The following NBPF12 variants were observed in gnomAD, a reference collection of about 807,000 sequenced individuals.
NBPF12 encodes the protein NBPF family member NBPF12.
NBPF12 carries 115 observed loss-of-function variants against 146.4 expected under a neutral mutation model. That is an observed-to-expected ratio of 0.79 (90% CI 0.68 to 0.92). NBPF12 has a LOEUF of 0.92. NBPF12 is among the 40% of genes least tolerant of loss of function. The probability of loss-of-function intolerance (pLI) is 0.00; values close to 1 mark genes in which losing one functional copy is unlikely to be tolerated. For synonymous variants in NBPF12, 385 were observed against 508.9 expected, an observed-to-expected ratio of 0.76 and a Z score of 3.28; for missense variants, 1,205 against 1,326.8, an observed-to-expected ratio of 0.91 and a Z score of 1.43.
At position 146,976,301 on chromosome 1, in the gene NBPF12, TG is replaced by T. The variant is rs1366443812; in HGVS notation, c.2119+412del. On this transcript the variant is annotated intron_variant, in intron 16 of 33. Coordinates refer to ENST00000617844, the Ensembl canonical transcript of NBPF12. ...TCCTTCCTGAGTTTCTCTCTCTCCA[TG>T]GCAGACAAATTGTCTCTTGCAAGGG... Among the ~76,000 whole-genome samples, 4 of 149,594 alleles carry T rather than the reference TG, an allele frequency of 2.7e-5. No individual in the cohort carries two copies. In the South Asian group the frequency reaches 6.5e-4, roughly 24 times the overall value.
intron 2 of NBPF12, among the ~76,000 whole-genome samples, chr1:146,956,617 T>C (rs1655604058): frequency 6.6e-6 from 1 of 151,882 alleles, no homozygotes; most frequent in African/African-American, 2.4e-5. Context: ...ATTACATGCT[T>C]AACAACACAT....
At chr1:146,984,639 C>G (rs1433603972) in intron 21 of NBPF12, among the ~76,000 whole-genome samples, 174 bp from the exon 25 acceptor site, 4 of 139,452 alleles carry the variant, frequency 2.9e-5, no homozygotes, top group African/African-American at 1.1e-4. Context: ...CTCTTTCATC[C>G]TTTTCTACCT....
chr1:146,994,087 A>G (rs1658353950), intron 33 of NBPF12, among the ~76,000 whole-genome samples: 1 of 99,096 alleles, frequency 1.0e-5, no homozygotes, highest in Admixed American at 1.0e-4. Flanking sequence ...TCACTAGCTC[A>G]CTTTCTCTCT....
chr1:146,943,860 A>AC (rs1438061996), intron 2 of NBPF12, among the ~76,000 whole-genome samples: 2 of 119,650 alleles, frequency 1.7e-5, no homozygotes, highest in African/African-American at 3.3e-5. Flanking sequence ...TTCCCCTCTC[A>AC]CCCCCCATTC....
intron 10 of NBPF12, among the ~76,000 whole-genome samples, chr1:146,968,890 G>C (rs1346846426): frequency 1.3e-5 from 2 of 151,298 alleles, no homozygotes; most frequent in African/African-American, 2.5e-5. Context: ...CCCTTAGTGA[G>C]AATCACCTCC....
At position 146,983,212 on chromosome 1, in the gene NBPF12, A is replaced by G. The variant is rs1397316069; in HGVS notation, c.2614+121A>G. On this transcript the variant is annotated intron_variant, in intron 20 of 33. Coordinates refer to ENST00000617844, the Ensembl canonical transcript of NBPF12. ...TGCCATCACTGTGGGCTGAACCTAT[A>G]TATCAATGTAGATTTCAATCACTCT... 331 of 1,360,406 alleles carry G rather than the reference A, an allele frequency of 2.4e-4. No homozygotes were observed. The Middle Eastern group carries it at 4.0e-3, about 16-fold the overall frequency. 84.3% of individuals were successfully genotyped at this position (1,360,406 alleles called of 1,614,324 possible).
intron 2 of NBPF12, among the ~76,000 whole-genome samples, chr1:146,954,857 G>C (rs1381032401): frequency 7.0e-6 from 1 of 141,894 alleles, no homozygotes; most frequent in Non-Finnish European, 1.5e-5. Context: ...TTGATTCTTA[G>C]GACATATATA....
At chr1:146,951,741 T>TAAAC (rs1320724911) in intron 2 of NBPF12, 4 of 378,412 alleles carry the variant, frequency 1.1e-5, no homozygotes, top group Non-Finnish European at 1.4e-5. Flanking sequence ...AAATATTGCC[T>TAAAC]TGTTTCCTTT....
At chr1:146,974,315 T>G (rs1429732495) in intron 14 of NBPF12, among the ~76,000 whole-genome samples, 1 of 141,550 alleles carries the variant, frequency 7.1e-6, no homozygotes, top group Non-Finnish European at 1.5e-5. Flanking sequence ...GTCCTTGAAA[T>G]TCCCAGTAAA....
At chr1:146,970,528 A>G (rs1215785889) in intron 11 of NBPF12, 119 bp from the exon 15 acceptor site, 5 of 1,330,178 alleles carry the variant, frequency 3.8e-6, no homozygotes, top group Non-Finnish European at 5.3e-6. Flanking sequence ...ATAAAACATG[A>G]GAGTTTTCAG....
chr1:146,948,712 C>T (rs1354033130), upstream of NBPF12, among the ~76,000 whole-genome samples: 1,481 of 151,436 alleles, frequency 9.8e-3, 37 homozygotes, highest in African/African-American at 0.035. Context: ...ACCTGACTGT[C>T]CCCCAGCCCG....
chr1:146,940,238 A>G (rs1175194618), intron 1 of NBPF12, among the ~76,000 whole-genome samples: 1 of 151,960 alleles, frequency 6.6e-6, no homozygotes, highest in Non-Finnish European at 1.5e-5. Context: ...TAGCTTTAAG[A>G]TTTCTGAGAA....
chr1:146,974,193 T>A (rs1295350285), intron 14 of NBPF12, among the ~76,000 whole-genome samples: 3 of 148,888 alleles, frequency 2.0e-5, no homozygotes, highest in African/African-American at 5.1e-5. Context: ...AGGATTTCCT[T>A]CATGGCCTTA....
At chr1:146,976,516 ATCT>A (rs1317016628) in intron 16 of NBPF12, among the ~76,000 whole-genome samples, 13 of 100,690 alleles carry the variant, frequency 1.3e-4, no homozygotes, top group Non-Finnish European at 1.1e-4. Flanking sequence ...GAGGCTTGAA[ATCT>A]TCTAATGCAT....
chr1:146,962,716 T>A (rs1655937645), intron 5 of NBPF12, among the ~76,000 whole-genome samples: 1 of 148,802 alleles, frequency 6.7e-6, no homozygotes, highest in African/African-American at 2.5e-5. Context: ...GCACCTGGCC[T>A]CATTTCTGTA....
chr1:146,972,319 G>A (rs1553886623), intron 13 of NBPF12, among the ~76,000 whole-genome samples: 6,600 of 150,836 alleles, frequency 0.044, 708 homozygotes, highest in African/African-American at 0.15. Flanking sequence ...GCTTGAACCC[G>A]GGAGGCAGAG....
At chr1:146,966,085 C>T (rs1199765951) in intron 8 of NBPF12, among the ~76,000 whole-genome samples, 4,052 of 149,496 alleles carry the variant, frequency 0.027, 69 homozygotes, top group Non-Finnish European at 0.042. Flanking sequence ...GCAGCCTGCG[C>T]GACAGAGTGA....
chr1:146,966,186 C>A (rs1457907442), intron 8 of NBPF12, among the ~76,000 whole-genome samples: 1 of 151,848 alleles, frequency 6.6e-6, no homozygotes, highest in Non-Finnish European at 1.5e-5. Context: ...AAACATTGGC[C>A]ACTCATGGGA....
chr1:146,943,187 C>G, intron 1 of NBPF12, 104 bp from the exon 2 acceptor site: 1 of 161,670 alleles, frequency 6.2e-6, no homozygotes, highest in Middle Eastern at 3.0e-3. Context: ...TCAACCTGCT[C>G]CTGCCTGGGT....
Sources: gnomAD v4.1 joint callset for allele counts (sites outside exome capture counted in the v4.1 genomes callset) on GRCh38, gnomAD v4.1.1 for gene constraint, MANE v1.5 for transcripts, NCBI Gene and HGNC (gene_info 2026-07-23, HGNC 2026-07-21) for gene names.